The following APOC1 variants were observed in gnomAD, a reference collection of about 807,000 sequenced individuals.
APOC1 encodes apolipoprotein C1, also known as apolipoprotein C-I.
A neutral mutation model predicts 6.7 loss-of-function variants in APOC1; 4 were observed. The ratio of observed to expected loss-of-function variants is 0.60; its 90% CI spans 0.29 to 1.37. APOC1 has a LOEUF of 1.37. APOC1 is among the 40% of genes most tolerant of loss of function. APOC1 has a pLI of 0.09. For missense variants in APOC1, 122 were observed against 99.4 expected (o/e 1.23, Z -0.97); for synonymous variants, 33 against 40.6 (o/e 0.81, Z 0.72).
chr19:44,917,304 A>G lies in APOC1; in HGVS notation c.194+979A>G, dbSNP rs1430240937. 3.3e-5 allele frequency among the ~76,000 whole-genome samples: 5 copies of G among 152,332 alleles called. No individual in the cohort carries two copies. In the East Asian group the frequency reaches 9.7e-4, roughly 29 times the overall value. On this transcript the variant is annotated intron_variant, in intron 3 of 3. Transcript: ENST00000592535. ...ACTGTTTCAATGTGGGGAATAAAAC[A>G]GTGAAGAACGTGCCGAGCACGGTGG...
At position 44,919,236 on chromosome 19, in the gene APOC1, T is replaced by A. The variant is rs1336783213; in HGVS notation, c.*6T>A. 1 of 1,613,626 alleles carries A rather than the reference T, an allele frequency of 6.2e-7. No homozygotes were observed. Among genetic ancestry groups the A allele is most frequent in the South Asian group, 1.1e-5 (1 of 91,072 alleles). Reference sequence around the variant, plus strand: ...AACTCAAGATTGACTCATGAGGACCTGAAGGGTGACATCCCAGGAGGGGCC... The same window carrying A: ...AACTCAAGATTGACTCATGAGGACCAGAAGGGTGACATCCCAGGAGGGGCC... On this transcript the variant is annotated 3_prime_UTR_variant, in exon 4 of 4. Coordinates refer to ENST00000592535, the MANE Select transcript of APOC1 (RefSeq NM_001645.5).
At position 44,916,260 on chromosome 19, in the gene APOC1, A is replaced by C; in HGVS notation, c.129A>C (p.Thr43=). 2 of 1,613,726 alleles carry C rather than the reference A, an allele frequency of 1.2e-6. No individual in the cohort carries two copies. Among genetic ancestry groups the C allele is most frequent in the South Asian group, 1.1e-5 (1 of 91,070 alleles). The change falls in exon 3 of 4, where the codon ACA becomes ACC. Residue 43 remains threonine (T), a synonymous_variant. Transcript: ENST00000592535. The part of the protein sequence containing the change: ...ALDKLKEFGN[T]LEDKARELIS... The stretch of plus-strand genomic sequence containing the variant: ...ATAAGCTGAAGGAGTTTGGAAACAC[A>C]CTGGAGGACAAGGCTCGGGAACTCA...
At position 44,919,289 on chromosome 19, in the gene APOC1, G is replaced by A; in HGVS notation, c.*59G>A. ...TGAAATTTCCCACACCCCAGCGCCTGTGCTGAGGACTCCCTCCATGTGGCC... is the reference window on the plus strand; with the variant it reads ...TGAAATTTCCCACACCCCAGCGCCTATGCTGAGGACTCCCTCCATGTGGCC... On this transcript the variant is annotated 3_prime_UTR_variant, in exon 4 of 4. Transcript: ENST00000592535. The A allele has an allele frequency of 6.7e-7, 1 of 1,494,764 alleles. No individual in the cohort carries two copies. Among genetic ancestry groups the A allele is most frequent in the Non-Finnish European group, 9.3e-7 (1 of 1,073,594 alleles). 92.6% of individuals were successfully genotyped at this position (1,494,764 alleles called of 1,614,324 possible). A position where few individuals can be genotyped will look rare whatever the true frequency, so the allele number is the denominator to read the frequency against.
At chr19:44,914,453 T>C (rs1009779699), upstream of APOC1, 2 of 169,722 alleles carry the variant, frequency 1.2e-5, no homozygotes, top group Non-Finnish European at 2.6e-5. Flanking sequence ...GGGACTAAGG[T>C]GGTCTGAGGA....
chr19:44,915,053 C>G, intron 2 of APOC1, 104 bp downstream of exon 2: 1 of 1,301,002 alleles, frequency 7.7e-7, no homozygotes, highest in Non-Finnish European at 1.1e-6. Context: ...CTCCGGGGCC[C>G]CTTCTGGGTC....
chr19:44,914,993 A>C, intron 2 of APOC1, 44 bp downstream of exon 2: 1 of 1,557,632 alleles, frequency 6.4e-7, no homozygotes, highest in Non-Finnish European at 8.8e-7. Flanking sequence ...GATTTGGAAG[A>C]GTGAAGGTGG....
In APOC1 at chr19:44,914,908, C is replaced by T. The variant is rs371532131; in HGVS notation, c.17C>T (p.Ser6Leu). 1.6e-5 allele frequency: 26 copies of T among 1,613,836 alleles called. No homozygotes were observed. Among genetic ancestry groups the T allele is most frequent in the Non-Finnish European group, 2.2e-5 (26 of 1,179,830 alleles). ...GGCCTCGCCATGAGGCTCTTCCTGT[C>T]GCTCCCGGTCCTGGTGGTGGTTCTG... MRLFL[S>L]LPVLVVVLSI... The change falls in exon 2 of 4, where the codon TCG (serine) becomes TTG (leucine). Residue 6 changes from serine (S) to leucine (L), a missense_variant. Ser to Leu is a moderately radical substitution (Grantham distance 145). Transcript: ENST00000592535.
Position 44,919,300 on chromosome 19 carries a change from T to G in APOC1, c.*70T>G, listed in dbSNP as rs376848511. On this transcript the variant is annotated 3_prime_UTR_variant, in exon 4 of 4. Transcript: ENST00000592535. ...ACACCCCAGCGCCTGTGCTGAGGAC[T>G]CCCTCCATGTGGCCCCAGGTGCCAC... 83 of 1,370,334 alleles carry G rather than the reference T, an allele frequency of 6.1e-5. No individual in the cohort carries two copies. The highest frequency in any genetic ancestry group is 1.8e-4 in the Middle Eastern group (1 of 5,604). The allele number at this position is 1,370,334 out of a possible 1,614,324, so 84.9% of individuals were successfully genotyped here.
chr19:44,918,666 G>A (rs961589109), intron 3 of APOC1, among the ~76,000 whole-genome samples: 2 of 145,016 alleles, frequency 1.4e-5, no homozygotes, highest in African/African-American at 2.6e-5. Context: ...CGTGAGCCAC[G>A]GCGCCCGGCC....
At chr19:44,917,475 G>A (rs898530578) in intron 3 of APOC1, among the ~76,000 whole-genome samples, 1 of 152,136 alleles carries the variant, frequency 6.6e-6, no homozygotes, top group Non-Finnish European at 1.5e-5. Context: ...CTCCTTGGGA[G>A]GCTGAGGCGA....
At chr19:44,915,656 A>C (rs1008101766) in intron 2 of APOC1, among the ~76,000 whole-genome samples, 1 of 146,228 alleles carries the variant, frequency 6.8e-6, no homozygotes, top group South Asian at 2.3e-4. Context: ...CGGTATCCCA[A>C]CCTAAGGGGG....
intron 3 of APOC1, chr19:44,918,893 A>C: frequency 4.6e-6 from 2 of 434,202 alleles, no homozygotes; most frequent in Non-Finnish European, 8.2e-6. Flanking sequence ...TCCTGACCTC[A>C]AGTGATCAGC....
At chr19:44,915,122 G>T (rs1443929621) in intron 2 of APOC1, 173 bp downstream of exon 2, 2 of 664,572 alleles carry the variant, frequency 3.0e-6, no homozygotes, top group South Asian at 1.8e-5. Context: ...AGTCCCGCAG[G>T]CGCCAAATCT....
chr19:44,915,206 C>T, intron 2 of APOC1: 4 of 548,162 alleles, frequency 7.3e-6, no homozygotes, highest in Non-Finnish European at 1.3e-5. Flanking sequence ...GCTTCGACAG[C>T]CTTGAAAGTG....
At chr19:44,918,618 C>T (rs1385368949) in intron 3 of APOC1, among the ~76,000 whole-genome samples, 1 of 151,926 alleles carries the variant, frequency 6.6e-6, no homozygotes, top group Non-Finnish European at 1.5e-5. Context: ...ACCTGGTGAT[C>T]CACCCGCCTC....
rs764320631 is a variant in APOC1, at chr19:44,919,279, C to G, written c.*49C>G. 4 of 1,553,048 alleles carry G rather than the reference C, an allele frequency of 2.6e-6. No individual in the cohort carries two copies. The South Asian group carries it at 4.5e-5, about 17-fold the overall frequency. On this transcript the variant is annotated 3_prime_UTR_variant, in exon 4 of 4. Transcript: ENST00000592535. ...GAGGGGCCTCTGAAATTTCCCACAC[C>G]CCAGCGCCTGTGCTGAGGACTCCCT...
At chr19:44,914,412 G>A (rs1039802686), upstream of APOC1, 2 of 155,142 alleles carry the variant, frequency 1.3e-5, no homozygotes, top group African/African-American at 2.4e-5. Flanking sequence ...TTTTGTCTGC[G>A]GCTCCTCCTG....
intron 3 of APOC1, chr19:44,918,951 C>T: frequency 1.7e-6 from 1 of 573,198 alleles, no homozygotes; most frequent in East Asian, 2.9e-5. Context: ...GAGCCAAATG[C>T]CCAGCCAAGG....
Position 44,919,160 on chromosome 19 carries a change from T to C in APOC1, c.195-13T>C. ...CTGCACACAGTGACCCCCTTCCTTA[T>C]TCCTCCCCACAGGGAGTGGTTTTCA... On this transcript the variant is annotated splice_polypyrimidine_tract_variant and intron_variant, in intron 3 of 3. Coordinates refer to ENST00000592535, the MANE Select transcript of APOC1 (RefSeq NM_001645.5). 1 of 1,612,744 alleles carries C rather than the reference T, an allele frequency of 6.2e-7. No individual in the cohort carries two copies.
Sources: gnomAD v4.1 joint callset for allele counts (sites outside exome capture counted in the v4.1 genomes callset) on GRCh38, gnomAD v4.1.1 for gene constraint, MANE v1.5 for transcripts, NCBI Gene and HGNC (gene_info 2026-07-23, HGNC 2026-07-21) for gene names.